The following PICALM variants were observed in gnomAD, a reference collection of about 807,000 sequenced individuals.
The protein encoded by PICALM is phosphatidylinositol-binding clathrin assembly protein.
A neutral mutation model predicts 80.5 loss-of-function variants in PICALM; 40 were observed. That is an observed-to-expected ratio of 0.50 (90% CI 0.39 to 0.65). The LOEUF (loss-of-function observed/expected upper bound fraction) is 0.65, where lower values mean the gene tolerates loss of function less well. PICALM is among the 30% of genes least tolerant of loss of function. The probability of loss-of-function intolerance (pLI) is 0.00; values close to 1 mark genes in which losing one functional copy is unlikely to be tolerated. For synonymous variants in PICALM, 288 were observed against 260.3 expected, an observed-to-expected ratio of 1.11 and a Z score of -1.02; for missense variants, 676 against 778.9, an observed-to-expected ratio of 0.87 and a Z score of 1.57.
chr11:85,982,067 A>T, intron 14 of PICALM, 64 bp from the exon 15 acceptor site: 1 of 1,475,284 alleles, frequency 6.8e-7, no homozygotes, highest in Non-Finnish European at 9.5e-7. Flanking sequence ...GGTTTTCTAA[A>T]GGAGGTCTTT....
At chr11:85,959,595 T>G (rs1042525160) in intron 19 of PICALM, among the ~76,000 whole-genome samples, 5 of 121,492 alleles carry the variant, frequency 4.1e-5, no homozygotes, top group Non-Finnish European at 7.9e-5. Flanking sequence ...ATCGTGCCAC[T>G]GCACTCCAGC....
intron 4 of PICALM, among the ~76,000 whole-genome samples, chr11:86,021,475 C>A (rs1290512765): frequency 2.0e-5 from 3 of 150,082 alleles, no homozygotes; most frequent in African/African-American, 7.4e-5. Context: ...CAGTTCACAC[C>A]CACTAGGATG....
intron 19 of PICALM, among the ~76,000 whole-genome samples, chr11:85,968,272 C>T (rs1212792245): frequency 1.3e-5 from 2 of 151,042 alleles, no homozygotes; most frequent in East Asian, 1.9e-4. Context: ...GCCTGGGGGA[C>T]AGAGTGAGAC....
intron 19 of PICALM, among the ~76,000 whole-genome samples, chr11:85,965,114 G>T (rs1592301503): frequency 1.3e-5 from 2 of 152,102 alleles, no homozygotes; most frequent in East Asian, 3.9e-4. Context: ...AAACAGCATT[G>T]AGAGTTAGGA....
In PICALM at chr11:86,059,881, A is replaced by G. The variant is rs560636494; in HGVS notation, c.130+8770T>C. ...GGATAGTTTTGACATAAAAAAAAAAAAGAGAGAGGACAAATAATCAAGAGT... is the reference window on the plus strand; with the variant it reads ...GGATAGTTTTGACATAAAAAAAAAAGAGAGAGAGGACAAATAATCAAGAGT... On this transcript the variant is annotated intron_variant, in intron 1 of 19. Coordinates refer to ENST00000393346, the MANE Select transcript of PICALM (RefSeq NM_007166.4). 2.4e-4 allele frequency among the ~76,000 whole-genome samples: 36 copies of G among 152,174 alleles called. No homozygotes were observed. The South Asian group carries it at 5.6e-3, about 24-fold the overall frequency.
At position 86,036,866 on chromosome 11, in the gene PICALM, C is replaced by T. The variant is rs192387970; in HGVS notation, c.131-5255G>A. ...CCTGTAATCCCAGTGCTTTGGAAGGCCGAGGTAGGATGACTGCTTGAGGTC... is the reference window on the plus strand; with the variant it reads ...CCTGTAATCCCAGTGCTTTGGAAGGTCGAGGTAGGATGACTGCTTGAGGTC... On this transcript the variant is annotated intron_variant, in intron 1 of 19. Coordinates refer to ENST00000393346, the MANE Select transcript of PICALM (RefSeq NM_007166.4). Among the ~76,000 whole-genome samples, 150 of 150,280 alleles carry T rather than the reference C, an allele frequency of 1.0e-3. 1 individual carries two copies. The highest frequency in any genetic ancestry group is 3.6e-3 in the African/African-American group (146 of 40,636).
intron 8 of PICALM, among the ~76,000 whole-genome samples, chr11:86,006,490 T>C (rs1445061444): frequency 6.6e-6 from 1 of 151,932 alleles, no homozygotes; most frequent in African/African-American, 2.4e-5. Context: ...CTACTAAAAA[T>C]ACGAAAATTA....
intron 12 of PICALM, among the ~76,000 whole-genome samples, chr11:85,992,284 G>GTTT (rs5793178): frequency 1.4e-5 from 2 of 141,646 alleles, no homozygotes; most frequent in Non-Finnish European, 1.5e-5. Flanking sequence ...GGTGTGTTTT[G>GTTT]TTTTTTTTTT....
Position 86,068,535 on chromosome 11 carries a change from G to C in PICALM, c.130+116C>G, listed in dbSNP as rs907352561. The C allele has an allele frequency of 1.9e-5, 19 of 990,166 alleles. No homozygotes were observed. In the African/African-American group the frequency reaches 2.8e-4, roughly 15 times the overall value. 61.3% of individuals were successfully genotyped at this position (990,166 alleles called of 1,614,324 possible). On this transcript the variant is annotated intron_variant, in intron 1 of 19. Transcript: ENST00000393346. Reference sequence around the variant, plus strand: ...AACGGGCACAGGACCGGCCGTGCCAGAGAAGACGCAGGGAGGGAAGAGGCA... The same window carrying C: ...AACGGGCACAGGACCGGCCGTGCCACAGAAGACGCAGGGAGGGAAGAGGCA...
chr11:86,015,216 A>T (rs2095462076), intron 4 of PICALM, among the ~76,000 whole-genome samples: 1 of 152,228 alleles, frequency 6.6e-6, no homozygotes. Context: ...CCATAAAAGC[A>T]AAAGTATACA....
At chr11:86,010,051 C>T (rs1313840455) in intron 7 of PICALM, among the ~76,000 whole-genome samples, 3 of 152,116 alleles carry the variant, frequency 2.0e-5, no homozygotes, top group African/African-American at 7.2e-5. Context: ...TCCAAAGTAA[C>T]TGCTTTGACA....
At chr11:85,971,691 G>A (rs1244951702) in intron 19 of PICALM, among the ~76,000 whole-genome samples, 3 of 150,552 alleles carry the variant, frequency 2.0e-5, no homozygotes, top group South Asian at 2.1e-4. Flanking sequence ...AGCCGAGATC[G>A]CACCACTGTA....
chr11:85,989,238 G>A (rs1354537499), intron 13 of PICALM, among the ~76,000 whole-genome samples: 1 of 152,130 alleles, frequency 6.6e-6, no homozygotes, highest in Non-Finnish European at 1.5e-5. Flanking sequence ...TCACACTTTG[G>A]ATATATATGT....
intron 5 of PICALM, among the ~76,000 whole-genome samples, chr11:86,013,695 T>C (rs906383180): frequency 4.6e-5 from 7 of 152,222 alleles, no homozygotes; most frequent in Admixed American, 3.3e-4. Context: ...ATATGCATGG[T>C]TGGACCCTGA....
chr11:85,996,431 T>C (rs1055961132), intron 12 of PICALM, among the ~76,000 whole-genome samples: 6 of 151,980 alleles, frequency 3.9e-5, no homozygotes, highest in Non-Finnish European at 5.9e-5. Flanking sequence ...ATTAGAACTA[T>C]ATCATATACT....
At chr11:85,973,842 G>C (rs1295194765) in intron 19 of PICALM, among the ~76,000 whole-genome samples, 1 of 152,096 alleles carries the variant, frequency 6.6e-6, no homozygotes, top group African/African-American at 2.4e-5. Flanking sequence ...GTTAGCATTA[G>C]CAACCATTTA....
At chr11:85,997,699 G>A (rs969941172) in intron 11 of PICALM, among the ~76,000 whole-genome samples, 1 of 152,214 alleles carries the variant, frequency 6.6e-6, no homozygotes, top group Admixed American at 6.5e-5. Flanking sequence ...TCAAACTCTT[G>A]ACCTCAGGTG....
intron 6 of PICALM, among the ~76,000 whole-genome samples, chr11:86,011,830 A>G (rs1318948194): frequency 6.6e-6 from 1 of 151,286 alleles, no homozygotes; most frequent in African/African-American, 2.4e-5. Flanking sequence ...TACCTGTAAC[A>G]TAAAACTTAC....
At chr11:86,000,549 C>T (rs895042061) in intron 11 of PICALM, 94 bp downstream of exon 11, 2 of 926,648 alleles carry the variant, frequency 2.2e-6, no homozygotes, top group East Asian at 4.9e-5. Flanking sequence ...ATTATAAAAG[C>T]ATAAATAAAA....
Sources: gnomAD v4.1 joint callset for allele counts (sites outside exome capture counted in the v4.1 genomes callset) on GRCh38, gnomAD v4.1.1 for gene constraint, MANE v1.5 for transcripts, NCBI Gene and HGNC (gene_info 2026-07-23, HGNC 2026-07-21) for gene names.